Variants in PALLD observed in about 807,000 individuals in gnomAD.
The protein encoded by PALLD is palladin.
In PALLD, 61 loss-of-function variants were observed where a neutral mutation model predicts 123.5. The ratio of observed to expected loss-of-function variants is 0.49; its 90% CI spans 0.40 to 0.61. The LOEUF is 0.61. Ranked by LOEUF, PALLD falls within the 20% of genes least tolerant of loss-of-function variation. PALLD has a pLI of 0.00. For synonymous variants in PALLD, 465 were observed against 496.4 expected, an observed-to-expected ratio of 0.94 and a Z score of 0.84; for missense variants, 1,273 against 1,377.0, an observed-to-expected ratio of 0.92 and a Z score of 1.20.
In PALLD at chr4:168,685,508, C is replaced by T; in HGVS notation, c.1284C>T (p.Leu428=). 6.2e-7 allele frequency: 1 copy of T among 1,612,286 alleles called. No homozygotes were observed. Among genetic ancestry groups the T allele is most frequent in the South Asian group, 1.1e-5 (1 of 91,044 alleles). ...AGGTTCACAGTCCAACTTCATATCT[C>T]TGCCGACCTGATGGAACCACTACTG... ...VQQVHSPTSY[L]CRPDGTTTAY... The change falls in exon 6 of 22, where the codon CTC becomes CTT. Residue 428 remains leucine, a synonymous_variant. Coordinates refer to ENST00000505667, the MANE Select transcript of PALLD (RefSeq NM_001166108.2).
At chr4:168,536,039 T>TA (rs1221605334) in intron 2 of PALLD, among the ~76,000 whole-genome samples, 2 of 152,178 alleles carry the variant, frequency 1.3e-5, no homozygotes, top group African/African-American at 4.8e-5. Context: ...TTTGTTTTGA[T>TA]AAAAAAGAGA....
chr4:168,511,868 C>T lies in PALLD; in HGVS notation c.364C>T (p.Pro122Ser). 1 of 1,614,090 alleles carries T rather than the reference C, an allele frequency of 6.2e-7. No homozygotes were observed. Among genetic ancestry groups the T allele is most frequent in the Non-Finnish European group, 8.5e-7 (1 of 1,179,982 alleles). Residue 122 changes from proline to serine, a missense_variant, in exon 2 of 22, where the codon CCT (proline) becomes TCT (serine). Physicochemically the swap from Pro to Ser is moderately conservative, Grantham distance 74 (BLOSUM62 -1). Around this residue, in one of 2 missense-constraint regions of PALLD, gnomAD observed 944 missense variants for 954.5 expected, o/e 0.99. Coordinates refer to ENST00000505667, the MANE Select transcript of PALLD (RefSeq NM_001166108.2). Reference sequence around the variant, plus strand: ...CTCTTCACCTGTTTCAAAGAGGAAACCTGCCATGTCACCCCTGCTCACCAG... The same window carrying T: ...CTCTTCACCTGTTTCAAAGAGGAAATCTGCCATGTCACCCCTGCTCACCAG... ...SISSPVSKRK[P>S]AMSPLLTRPS...
intron 10 of PALLD, among the ~76,000 whole-genome samples, chr4:168,882,882 G>C (rs947422343): frequency 2.6e-5 from 4 of 152,068 alleles, no homozygotes; most frequent in African/African-American, 9.7e-5. Flanking sequence ...ACGAGGTCAG[G>C]AGATCGAGAT....
chr4:168,655,329 A>G lies in PALLD; in HGVS notation c.909-12861A>G, dbSNP rs1431014406. ...AAGTGAATCCATTTCTGTACATACA[A>G]TTATTGACTGACGGGGCAGTTTACA... is the stretch of plus-strand genomic sequence containing the variant. On this transcript the variant is annotated intron_variant, in intron 2 of 21. Coordinates refer to ENST00000505667, the MANE Select transcript of PALLD (RefSeq NM_001166108.2). 2.0e-5 allele frequency among the ~76,000 whole-genome samples: 3 copies of G among 152,206 alleles called. No homozygotes were observed. The East Asian group carries it at 5.8e-4, about 29-fold the overall frequency.
At chr4:168,658,285 G>GTTTTTT (rs66527351) in intron 2 of PALLD, among the ~76,000 whole-genome samples, 8 of 131,626 alleles carry the variant, frequency 6.1e-5, no homozygotes, top group Middle Eastern at 3.9e-3. Flanking sequence ...TTTTTATTTG[G>GTTTTTT]TTTTTTTTTT....
intron 10 of PALLD, among the ~76,000 whole-genome samples, chr4:168,827,918 G>A (rs780267432): frequency 6.6e-6 from 1 of 152,170 alleles, no homozygotes; most frequent in Non-Finnish European, 1.5e-5. Flanking sequence ...GTGCACGCCT[G>A]TAATCCCAGG....
rs1750861822 is a variant in PALLD, at chr4:168,869,967, A to C, written c.1965-20955A>C. 6.6e-6 allele frequency among the ~76,000 whole-genome samples: 1 copy of C among 152,224 alleles called. No homozygotes were observed. The highest frequency in any genetic ancestry group is 1.5e-5 in the Non-Finnish European group (1 of 68,034). On this transcript the variant is annotated intron_variant, in intron 10 of 21. Coordinates refer to ENST00000505667, the MANE Select transcript of PALLD (RefSeq NM_001166108.2). The surrounding 1 kb of genome is among the most constrained non-coding windows in gnomAD (Gnocchi z 4.5). Reference sequence around the variant, plus strand: ...AAGTAAGAGAACAAGGAGAGTTGTTAGTGATGTCAAGGGAGAAGAGTGCTT... The same window carrying C: ...AAGTAAGAGAACAAGGAGAGTTGTTCGTGATGTCAAGGGAGAAGAGTGCTT...
chr4:168,911,022 A>C (rs777041925), intron 15 of PALLD, among the ~76,000 whole-genome samples: 32 of 152,206 alleles, frequency 2.1e-4, no homozygotes, highest in Non-Finnish European at 4.4e-4. Flanking sequence ...ACACAGTACC[A>C]GCTATGAGGA....
At chr4:168,769,152 A>T (rs1234298111) in intron 10 of PALLD, among the ~76,000 whole-genome samples, 1 of 152,206 alleles carries the variant, frequency 6.6e-6, no homozygotes, top group Non-Finnish European at 1.5e-5. Flanking sequence ...TGTATAGATG[A>T]CTTTTCCAGT....
At chr4:168,769,169 C>T (rs895937978) in intron 10 of PALLD, among the ~76,000 whole-genome samples, 1 of 152,178 alleles carries the variant, frequency 6.6e-6, no homozygotes, top group Non-Finnish European at 1.5e-5. Context: ...CAGTGAAGAA[C>T]ATTCATTGTA....
At chr4:168,847,594 T>C (rs1451809900) in intron 10 of PALLD, among the ~76,000 whole-genome samples, 1 of 152,238 alleles carries the variant, frequency 6.6e-6, no homozygotes, top group Non-Finnish European at 1.5e-5. Flanking sequence ...GGAGTGGAAT[T>C]GTATGAGGAT....
chr4:168,708,268 T>C (rs769644449), intron 8 of PALLD, among the ~76,000 whole-genome samples: 2 of 152,200 alleles, frequency 1.3e-5, no homozygotes, highest in Non-Finnish European at 2.9e-5. Context: ...GCTCTTGTTA[T>C]CGTCATCATC....
intron 8 of PALLD, among the ~76,000 whole-genome samples, chr4:168,697,933 C>A (rs1342886408): frequency 6.6e-6 from 1 of 152,154 alleles, no homozygotes; most frequent in African/African-American, 2.4e-5. Context: ...TTTGTTGCAG[C>A]ACTATTCACA....
chr4:168,669,733 G>C (rs1294649873), intron 3 of PALLD, among the ~76,000 whole-genome samples: 1 of 152,018 alleles, frequency 6.6e-6, no homozygotes, highest in Non-Finnish European at 1.5e-5. Flanking sequence ...AAGGGACCTT[G>C]TCCTATTAAT....
rs774999457 is a variant in PALLD, at chr4:168,715,679, G to C, written c.1964+3756G>C. On this transcript the variant is annotated intron_variant, in intron 10 of 21. Transcript: ENST00000505667. ...AAAAACGGTCCTTCAGCCAGGGCGC[G>C]GTGGCTCACCCCTGTAATCCCAGTA... is the stretch of plus-strand genomic sequence containing the variant. Among the ~76,000 whole-genome samples the C allele has an allele frequency of 2.0e-5, 3 of 152,148 alleles. No homozygotes were observed. In the East Asian group the frequency reaches 5.8e-4, roughly 29 times the overall value.
rs115481700 is a variant in PALLD at position 168,511,663 on chromosome 4, C to G, written c.159C>G (p.Ser53=). 1.7e-5 allele frequency: 28 copies of G among 1,614,120 alleles called. No individual in the cohort carries two copies. The highest frequency in any genetic ancestry group is 2.3e-5 in the Non-Finnish European group (27 of 1,180,022). The part of the protein sequence containing the change: ...LDLARRAIAD[S]ETEDFDSEKE... ...TGGCCCGGAGAGCCATAGCCGACTC[C>G]GAAACAGAAGATTTTGACTCGGAAA... The change falls in exon 2 of 22, where the codon TCC becomes TCG. Residue 53 remains serine (S), a synonymous_variant. Coordinates refer to ENST00000505667, the MANE Select transcript of PALLD (RefSeq NM_001166108.2).
chr4:168,528,071 C>T (rs892897704), intron 2 of PALLD, among the ~76,000 whole-genome samples: 1 of 152,176 alleles, frequency 6.6e-6, no homozygotes, highest in Non-Finnish European at 1.5e-5. Context: ...CAGATATAAT[C>T]TTTTCATGAA....
In PALLD at chr4:168,835,829, G is replaced by T. The variant is rs372318143; in HGVS notation, c.1965-55093G>T. On this transcript the variant is annotated intron_variant, in intron 10 of 21. Transcript: ENST00000505667. ...TTCTCGTGCCTCAGCCTCCTGAGTA[G>T]CTTGGATTATAGGCGTGAGCCACTG... Among the ~76,000 whole-genome samples the T allele has an allele frequency of 3.3e-4, 50 of 152,252 alleles. No individual in the cohort carries two copies. In the East Asian group the frequency reaches 8.7e-3, roughly 26 times the overall value.
intron 10 of PALLD, among the ~76,000 whole-genome samples, chr4:168,800,637 A>T (rs954125277): frequency 6.6e-6 from 1 of 152,214 alleles, no homozygotes; most frequent in Non-Finnish European, 1.5e-5. Flanking sequence ...AAGTAACAGG[A>T]TATTTCATAT....
Sources: allele counts gnomAD v4.1 joint callset (sites outside exome capture counted in the v4.1 genomes callset), GRCh38; gene constraint gnomAD v4.1.1; regional missense constraint gnomAD v4.1.1; non-coding constraint Gnocchi (gnomAD v3.1); transcripts MANE v1.5; gene names NCBI Gene and HGNC (gene_info 2026-07-23, HGNC 2026-07-21).